Variants in OPRM1 observed in about 807,000 individuals in gnomAD.
The protein encoded by OPRM1 is opioid receptor mu 1.
In OPRM1, 27 loss-of-function variants were observed where a neutral mutation model predicts 31.8. The observed-to-expected ratio is 0.85, with a 90% CI of 0.63 to 1.17. The LOEUF is 1.17. Ranked by LOEUF, OPRM1 falls within the 50% of genes most tolerant of loss-of-function variation. The pLI, the probability that OPRM1 is intolerant of heterozygous loss-of-function variation, is 0.00. For missense variants in OPRM1, 536 were observed against 511.1 expected, an observed-to-expected ratio of 1.05 and a Z score of -0.47; for synonymous variants, 196 against 189.9, an observed-to-expected ratio of 1.03 and a Z score of -0.26.
rs541162621 is a variant in OPRM1, at chr6:154,056,675, AG to A, written c.290+16843del. On this transcript the variant is annotated intron_variant, in intron 1 of 3. Transcript: ENST00000330432. ...GGAACAAGGAGATCAATGGAAGGGAAGGCCTCTTTGTTTCCGAGCATTTTTT... is the reference window on the plus strand; with the variant it reads ...GGAACAAGGAGATCAATGGAAGGGAAGCCTCTTTGTTTCCGAGCATTTTTT... Among the ~76,000 whole-genome samples, 493 of 152,072 alleles carry A rather than the reference AG, an allele frequency of 3.2e-3. 2 individuals are homozygous for A. Among genetic ancestry groups the A allele is most frequent in the African/African-American group, 0.012 (480 of 41,490 alleles).
intron 1 of OPRM1, among the ~76,000 whole-genome samples, chr6:154,020,061 A>G (rs1211543580): frequency 6.6e-6 from 1 of 151,928 alleles, no homozygotes; most frequent in African/African-American, 2.4e-5. Flanking sequence ...TAGCCCTGAA[A>G]AATACCCCAT....
intron 3 of OPRM1, among the ~76,000 whole-genome samples, chr6:154,152,334 A>AG (rs1554285084): frequency 0.2 from 5,034 of 24,900 alleles, 108 homozygotes; most frequent in Admixed American, 0.32. Flanking sequence ...AAAGAAAGAA[A>AG]GAAAGAAAGA....
rs79547065 is a variant in OPRM1 at position 154,168,120 on chromosome 6, G to T, written c.1164+76648G>T. ...TCAGACACTTTTGTCTCTTCTATTT[G>T]AAAAAAAAAAAGAAAGCAGTAACAA... On this transcript the variant is annotated intron_variant, in intron 3 of 3. Coordinates refer to the OPRM1 transcript ENST00000337049. The surrounding 1 kb of genome is among the most constrained non-coding windows in gnomAD (Gnocchi z 4.1). 1 of 1,170,984 alleles carries T rather than the reference G, an allele frequency of 8.5e-7. No homozygotes were observed. Among genetic ancestry groups the T allele is most frequent in the Non-Finnish European group, 1.2e-6 (1 of 867,790 alleles). 72.5% of individuals were successfully genotyped at this position (1,170,984 alleles called of 1,614,324 possible).
chr6:154,134,148 G>A (rs1202537006), downstream of OPRM1, among the ~76,000 whole-genome samples: 1 of 152,328 alleles, frequency 6.6e-6, no homozygotes, highest in East Asian at 1.9e-4. Flanking sequence ...AGATCACTAG[G>A]AGGCAACATC....
intron 1 of OPRM1, among the ~76,000 whole-genome samples, chr6:154,019,803 G>A (rs1209450392): frequency 1.4e-5 from 2 of 138,028 alleles, no homozygotes; most frequent in Admixed American, 7.5e-5. Flanking sequence ...GCACAAACAT[G>A]GCTCACTGCA....
chr6:154,092,370 T>C (rs1355447409), intron 3 of OPRM1, among the ~76,000 whole-genome samples: 1 of 152,206 alleles, frequency 6.6e-6, no homozygotes, highest in Non-Finnish European at 1.5e-5. Context: ...TTAATATTAA[T>C]CTAAGTAAGT....
chr6:154,013,617 C>T (rs1777846856), intron 1 of OPRM1, among the ~76,000 whole-genome samples: 1 of 152,054 alleles, frequency 6.6e-6, no homozygotes, highest in Admixed American at 6.6e-5. Flanking sequence ...ATAGTGTGTC[C>T]ATTAGTTTAC....
intron 1 of OPRM1, 95 bp downstream of exon 1, chr6:154,039,929 G>A (rs1779707281): frequency 8.5e-7 from 1 of 1,172,694 alleles, no homozygotes; most frequent in East Asian, 2.4e-5. Context: ...TGGGCGGGAG[G>A]ATGAAAGAGG....
intron 3 of OPRM1, among the ~76,000 whole-genome samples, chr6:154,192,679 T>TAAAAAAAAAAAA (rs1255019628): frequency 1.4e-4 from 21 of 151,826 alleles, no homozygotes; most frequent in Non-Finnish European, 2.9e-4. Flanking sequence ...AAAAAATGAC[T>TAAAAAAAAAAAA]TAATCCTATC....
At chr6:154,166,272 C>T (rs968367442) in intron 3 of OPRM1, among the ~76,000 whole-genome samples, 2 of 152,204 alleles carry the variant, frequency 1.3e-5, no homozygotes, top group African/African-American at 4.8e-5. Flanking sequence ...TAATTCTTTT[C>T]ACAAAGTTGG....
rs186456812 is a variant in OPRM1, at chr6:154,171,880, G to A, written c.1165-74813G>A. Among the ~76,000 whole-genome samples, 55 of 152,198 alleles carry A rather than the reference G, an allele frequency of 3.6e-4. No homozygotes were observed. In the East Asian group the frequency reaches 7.9e-3, roughly 22 times the overall value. On this transcript the variant is annotated intron_variant, in intron 3 of 3. Transcript: ENST00000337049. ...CTTTTTAAAAAAATACAGCTAACAA[G>A]GTAGAATTCTACTTAGATTAAGGCA...
At chr6:154,147,562 T>C (rs1798391261) in intron 3 of OPRM1, among the ~76,000 whole-genome samples, 1 of 152,196 alleles carries the variant, frequency 6.6e-6, no homozygotes, top group Non-Finnish European at 1.5e-5. Flanking sequence ...AGTGTGAGCA[T>C]AGGCATACCA....
chr6:154,097,559 T>G (rs1021326533), intron 3 of OPRM1, among the ~76,000 whole-genome samples: 2 of 151,282 alleles, frequency 1.3e-5, no homozygotes, highest in Non-Finnish European at 2.9e-5. Flanking sequence ...ATTCTTTCAG[T>G]TCTACAGTTT....
chr6:154,180,342 G>A (rs971902827), intron 3 of OPRM1, among the ~76,000 whole-genome samples: 7 of 113,276 alleles, frequency 6.2e-5, no homozygotes, highest in African/African-American at 2.0e-4. Context: ...ACTCAAGAAA[G>A]GAGACATATA....
intron 3 of OPRM1, among the ~76,000 whole-genome samples, chr6:154,170,344 T>C (rs1397500547): frequency 1.3e-5 from 2 of 152,086 alleles, no homozygotes; most frequent in Admixed American, 1.3e-4. Context: ...AGCCTCTCCA[T>C]AGGGTGGAGA....
downstream of OPRM1, among the ~76,000 whole-genome samples, chr6:154,133,148 C>G (rs57833082): frequency 0.012 from 1,828 of 151,446 alleles, 37 homozygotes; most frequent in African/African-American, 0.043. Flanking sequence ...AAGAAAAAAA[C>G]TATCTCAAAA....
intron 1 of OPRM1, among the ~76,000 whole-genome samples, chr6:154,074,870 C>T (rs569581413): frequency 7.2e-5 from 11 of 151,942 alleles, no homozygotes; most frequent in East Asian, 1.9e-4. Flanking sequence ...AGGATAGACA[C>T]GGAAAAACTA....
intron 1 of OPRM1, among the ~76,000 whole-genome samples, chr6:154,048,674 C>T (rs1024942011): frequency 6.6e-6 from 1 of 152,144 alleles, no homozygotes; most frequent in Non-Finnish European, 1.5e-5. Context: ...AAATAATTTT[C>T]TCAATTCACT....
At chr6:154,177,566 A>T (rs2128563280) in intron 3 of OPRM1, among the ~76,000 whole-genome samples, 1 of 152,376 alleles carries the variant, frequency 6.6e-6, no homozygotes, top group South Asian at 2.1e-4. Context: ...CATCAGAGAA[A>T]TGCAAATCAA....
Sources: allele counts gnomAD v4.1 joint callset (sites outside exome capture counted in the v4.1 genomes callset), GRCh38; gene constraint gnomAD v4.1.1; non-coding constraint Gnocchi (gnomAD v3.1); transcripts MANE v1.5; gene names NCBI Gene and HGNC (gene_info 2026-07-23, HGNC 2026-07-21).